The following POT1 variants were observed in gnomAD, a reference collection of about 807,000 sequenced individuals.
POT1 encodes protection of telomeres protein 1.
POT1 carries 47 observed loss-of-function variants against 78.5 expected under a neutral mutation model. The observed-to-expected ratio is 0.60, with a 90% confidence interval of 0.47 to 0.76. The LOEUF (loss-of-function observed/expected upper bound fraction) is 0.76. Among genes scored for constraint, POT1 ranks in the 30% least tolerant of loss-of-function variants. POT1 has a pLI of 0.00. For synonymous variants in POT1, 259 were observed against 260.7 expected, an observed-to-expected ratio of 0.99 and a Z score of 0.06; for missense variants, 646 against 749.9, an observed-to-expected ratio of 0.86 and a Z score of 1.62.
intron 15 of POT1, among the ~76,000 whole-genome samples, chr7:124,834,313 C>T (rs1411108276): frequency 6.6e-6 from 1 of 152,046 alleles, no homozygotes; most frequent in Non-Finnish European, 1.5e-5. Flanking sequence ...TCAGAGTAAA[C>T]AGGCAACCTA....
chr7:124,850,682 G>A (rs915697273), intron 11 of POT1, among the ~76,000 whole-genome samples: 2 of 151,698 alleles, frequency 1.3e-5, no homozygotes, highest in African/African-American at 4.8e-5. Flanking sequence ...AGTGAGCAGA[G>A]ATCGCGCTAG....
At chr7:124,829,678 C>A (rs1412871186) in intron 15 of POT1, among the ~76,000 whole-genome samples, 5 of 151,152 alleles carry the variant, frequency 3.3e-5, no homozygotes, top group Non-Finnish European at 7.4e-5. Flanking sequence ...ATGATCATCT[C>A]TAAGAATTCT....
chr7:124,831,975 C>T (rs1308615627), intron 15 of POT1, among the ~76,000 whole-genome samples: 3 of 142,568 alleles, frequency 2.1e-5, no homozygotes, highest in Admixed American at 7.3e-5. Flanking sequence ...TACTACTTCT[C>T]TGTAACATTT....
chr7:124,876,759 G>GA (rs11411423), intron 6 of POT1, among the ~76,000 whole-genome samples: 91,329 of 151,950 alleles, frequency 0.6, 27,571 homozygotes, highest in African/African-American at 0.65. Context: ...CACTTTTGTG[G>GA]ACATTCCACA....
intron 16 of POT1, among the ~76,000 whole-genome samples, chr7:124,828,485 T>C (rs2116419316): frequency 6.6e-6 from 1 of 152,240 alleles, no homozygotes; most frequent in East Asian, 1.9e-4. Context: ...ACAGGGAAAG[T>C]AAGAATAAAT....
intron 12 of POT1, among the ~76,000 whole-genome samples, chr7:124,845,030 C>T (rs557017459): frequency 1.2e-4 from 18 of 152,222 alleles, no homozygotes; most frequent in South Asian, 8.3e-4. Context: ...AGAATAACTA[C>T]CAGACATTAT....
chr7:124,905,666 C>T (rs1479693592), intron 3 of POT1, among the ~76,000 whole-genome samples: 1 of 152,096 alleles, frequency 6.6e-6, no homozygotes, highest in Non-Finnish European at 1.5e-5. Context: ...AGCTTCTGCA[C>T]AGCAAAAGAA....
chr7:124,897,268 C>T, intron 4 of POT1, 56 bp from the exon 5 acceptor site: 1 of 689,520 alleles, frequency 1.5e-6, no homozygotes, highest in Non-Finnish European at 2.3e-6. Flanking sequence ...AATGTGATTA[C>T]ATGCTTTTAG....
intron 6 of POT1, among the ~76,000 whole-genome samples, chr7:124,886,627 C>A (rs1796248991): frequency 6.6e-6 from 1 of 151,996 alleles, no homozygotes. Context: ...TTAGAAGAAA[C>A]AAACATATTA....
At chr7:124,916,025 T>C (rs2116698697) in intron 2 of POT1, among the ~76,000 whole-genome samples, 1 of 152,238 alleles carries the variant, frequency 6.6e-6, no homozygotes, top group South Asian at 2.1e-4. Context: ...GATTTAGAAA[T>C]GCAAAATGGA....
rs1487337443 is a variant in POT1 at position 124,824,031 on chromosome 7, G to A, written c.1836C>T (p.Val612=). Reference sequence around the variant, plus strand: ...AAATTTGATTATCTGTTCCATTTGTGACATTGTATGACTTGATGAAGCATT... The same window carrying A: ...AAATTTGATTATCTGTTCCATTTGTAACATTGTATGACTTGATGAAGCATT... The part of the protein sequence containing the change: ...WLECFIKSYN[V]TNGTDNQICY... The change falls in exon 19 of 19, where the codon GTC becomes GTT. Residue 612 remains valine, a synonymous_variant. Transcript: ENST00000357628. The A allele has an allele frequency of 6.2e-7, 1 of 1,608,414 alleles. No individual in the cohort carries two copies. The highest frequency in any genetic ancestry group is 1.3e-5 in the African/African-American group (1 of 74,592).
At position 124,898,308 on chromosome 7, in the gene POT1, G is replaced by GT. The variant is rs1242392938; in HGVS notation, c.-88dup. The GT allele has an allele frequency of 1.3e-5, 2 of 150,912 alleles. No homozygotes were observed. The highest frequency in any genetic ancestry group is 3.0e-5 in the Non-Finnish European group (2 of 67,720). The allele number at this position is 150,912 out of a possible 1,614,324, so 9.3% of individuals were successfully genotyped here. A position where few individuals can be genotyped will look rare whatever the true frequency, so the allele number is the denominator to read the frequency against. ...TCAAATGCTTTCAAAAATATGCAAG[G>GT]TTTACCATCTCTGCTTGTAGATGAA... is the stretch of plus-strand genomic sequence containing the variant. On this transcript the variant is annotated 5_prime_UTR_variant, in exon 4 of 19. It removes the in-frame stop codon of an upstream open reading frame in the 5' UTR. Coordinates refer to ENST00000357628, the MANE Select transcript of POT1 (RefSeq NM_015450.3).
At chr7:124,840,890 C>A in intron 14 of POT1, 83 bp downstream of exon 14, 4 of 1,120,318 alleles carry the variant, frequency 3.6e-6, no homozygotes, top group Non-Finnish European at 5.2e-6. Flanking sequence ...ACTAGGTTGT[C>A]TGTAAAATGT....
intron 3 of POT1, among the ~76,000 whole-genome samples, chr7:124,912,669 C>G (rs1336408284): frequency 1.3e-5 from 2 of 152,160 alleles, no homozygotes; most frequent in Non-Finnish European, 2.9e-5. Flanking sequence ...TAGGGCCTGA[C>G]TCCTCATAGG....
intron 12 of POT1, among the ~76,000 whole-genome samples, chr7:124,843,917 C>G (rs1172519415): frequency 1.3e-5 from 2 of 152,162 alleles, no homozygotes; most frequent in African/African-American, 4.8e-5. Context: ...CTCTCTGTAT[C>G]ACTTAATTAG....
intron 13 of POT1, among the ~76,000 whole-genome samples, chr7:124,842,575 T>C (rs1024150318): frequency 4.6e-5 from 7 of 152,048 alleles, no homozygotes; most frequent in Admixed American, 3.9e-4. Context: ...CATTTGCCTT[T>C]ATCAGAGTGA....
At chr7:124,883,001 A>G in intron 6 of POT1, among the ~76,000 whole-genome samples, 1 of 152,078 alleles carries the variant, frequency 6.6e-6, no homozygotes, top group Middle Eastern at 3.2e-3. Context: ...AGTATAAGTA[A>G]GCTGAAGAGG....
At chr7:124,890,285 A>G (rs1442419440) in intron 6 of POT1, among the ~76,000 whole-genome samples, 1 of 151,974 alleles carries the variant, frequency 6.6e-6, no homozygotes, top group Middle Eastern at 3.2e-3. Context: ...GTGCAATCTC[A>G]TAATAAAACT....
intron 5 of POT1, among the ~76,000 whole-genome samples, chr7:124,896,380 T>C (rs892160855): frequency 6.6e-6 from 1 of 151,716 alleles, no homozygotes; most frequent in East Asian, 1.9e-4. Flanking sequence ...GAAATACTAA[T>C]ACCAGAGCTA....
Sources: gnomAD v4.1 joint callset for allele counts (sites outside exome capture counted in the v4.1 genomes callset) on GRCh38, gnomAD v4.1.1 for gene constraint, MANE v1.5 for transcripts, NCBI Gene and HGNC (gene_info 2026-07-23, HGNC 2026-07-21) for gene names.